The following ECEL1 variants were observed in gnomAD, a reference collection of about 807,000 sequenced individuals.
ECEL1 encodes the protein endothelin-converting enzyme-like 1.
ECEL1 carries 87 observed loss-of-function variants against 101.8 expected under a neutral mutation model. The ratio of observed to expected loss-of-function variants is 0.85; its 90% CI spans 0.72 to 1.02. ECEL1 has a LOEUF of 1.02. ECEL1 is among the 50% of genes least tolerant of loss of function. The pLI, the probability that ECEL1 is intolerant of heterozygous loss-of-function variation, is 0.00. For synonymous variants in ECEL1, 487 were observed against 468.7 expected (o/e 1.04, Z -0.50); for missense variants, 1,032 against 1,079.2 (o/e 0.96, Z 0.61).
rs1396610569 is a variant in ECEL1 at position 232,485,867 on chromosome 2, C to A, written c.786+1G>T. 4 of 1,550,164 alleles carry A rather than the reference C, an allele frequency of 2.6e-6. No homozygotes were observed. Among genetic ancestry groups the A allele is most frequent in the African/African-American group, 1.4e-5 (1 of 73,476 alleles). On this transcript the variant is annotated splice_donor_variant, in intron 2 of 17. Coordinates refer to ENST00000304546, the MANE Select transcript of ECEL1 (RefSeq NM_004826.4). LOFTEE classifies it high-confidence loss of function. ...GCAGGGCGCTCAGGGGGCGCACTCACGCGGATGACGTAGCGCGAGGAGTTC... is the reference window on the plus strand; with the variant it reads ...GCAGGGCGCTCAGGGGGCGCACTCAAGCGGATGACGTAGCGCGAGGAGTTC...
rs754563109 is a variant in ECEL1, at chr2:232,480,758, T to G, written c.2111A>C (p.Lys704Thr). 4.3e-6 allele frequency: 7 copies of G among 1,614,146 alleles called. No homozygotes were observed. The South Asian group carries it at 6.6e-5, about 15-fold the overall frequency. ...HGPEHPLPRL[K>T]YTHDQLFFIA... ...GAAGAAGAGCTGGTCATGTGTGTAC[T>G]TGAGCCGGGGAAGTGGGTGCTCTGG... Residue 704 changes from lysine (K) to threonine (T), a missense_variant, in exon 16 of 18, where the codon AAG (lysine) becomes ACG (threonine). Physicochemically the swap from Lys to Thr is moderately conservative, Grantham distance 78. Transcript: ENST00000304546.
chr2:232,485,955 G>T lies in ECEL1; in HGVS notation c.699C>A (p.Tyr233Ter). 5.0e-6 allele frequency: 8 copies of T among 1,592,506 alleles called. No homozygotes were observed. The highest frequency in any genetic ancestry group is 1.3e-5 in the African/African-American group (1 of 74,724). ...AARWDLNRLL[Y>*]KAQGVYSAAA... ...CGGCGCTGTACACGCCCTGCGCCTT[G>T]TACAGCAGCCGGTTGAGGTCCCATC... Residue 233 changes from tyrosine (Y) to a stop codon, truncating the protein, a stop_gained, in exon 2 of 18, where the codon TAC becomes TAA. Transcript: ENST00000304546. LOFTEE classifies it high-confidence loss of function.
intron 14 of ECEL1, 98 bp from the exon 15 acceptor site, chr2:232,481,254 CT>C: frequency 1.4e-6 from 2 of 1,437,626 alleles, no homozygotes; most frequent in Non-Finnish European, 1.9e-6. Flanking sequence ...CCTACCACCC[CT>C]CTCCTTCCCT....
In ECEL1 at chr2:232,483,194, C is replaced by A; in HGVS notation, c.1507-15G>T. 1 of 1,594,846 alleles carries A rather than the reference C, an allele frequency of 6.3e-7. No homozygotes were observed. The highest frequency in any genetic ancestry group is 2.3e-5 in the East Asian group (1 of 44,104). ...ATGTACTGGAGCTGCGGGCCGAGGGCAGGTGAAGGTGGCACCAGGCCTCGG... is the reference window on the plus strand; with the variant it reads ...ATGTACTGGAGCTGCGGGCCGAGGGAAGGTGAAGGTGGCACCAGGCCTCGG... On this transcript the variant is annotated splice_polypyrimidine_tract_variant and intron_variant, in intron 8 of 17. Transcript: ENST00000304546.
chr2:232,479,895 A>C lies in ECEL1; in HGVS notation c.*258T>G. ...AGCGAAGGTGGGGCCCGTACAATCC[A>C]GCCTGGCAGAGGGTCTGGCCCCCTT... On this transcript the variant is annotated 3_prime_UTR_variant, in exon 18 of 18. Transcript: ENST00000304546. 1.8e-6 allele frequency: 1 copy of C among 551,496 alleles called. No homozygotes were observed. The highest frequency in any genetic ancestry group is 3.2e-5 in the Admixed American group (1 of 31,710). The allele number at this position is 551,496 out of a possible 1,614,324, so 34.2% of individuals were successfully genotyped here. A position where few individuals can be genotyped will look rare whatever the true frequency, so the allele number is the denominator to read the frequency against.
rs1273024325 is a variant in ECEL1, at chr2:232,482,794, C to T, written c.1685+57G>A. 2.5e-6 allele frequency: 4 copies of T among 1,596,090 alleles called. No individual in the cohort carries two copies. The South Asian group carries it at 4.4e-5, about 18-fold the overall frequency. On this transcript the variant is annotated intron_variant, in intron 10 of 17. Transcript: ENST00000304546. ...GCTGTGAGACGATTTGCCCTACCAG[C>T]TCCTGCCCTTTCCCCACAACCCTTC...
rs375987845 is a variant in ECEL1 at position 232,485,080 on chromosome 2, T to G, written c.867A>C (p.Ala289=). The G allele has an allele frequency of 2.5e-6, 4 of 1,611,902 alleles. No homozygotes were observed. In the African/African-American group the frequency reaches 4.0e-5, roughly 16 times the overall value. ...GCACTCGCTCCATGAACACCCTGTA[T>G]GCTGCCAGGATCTGCACCAGGGGAG... ...QDEDSEKILA[A]YRVFMERVLS... Residue 289 remains alanine, a synonymous_variant, in exon 4 of 18, where the codon GCA becomes GCC. Transcript: ENST00000304546.
chr2:232,487,681 G>A (rs2742076), intron 1 of ECEL1, 38 bp downstream of exon 1: 90,546 of 151,442 alleles, frequency 0.6, 27,341 homozygotes, highest in East Asian at 0.74. Flanking sequence ...AGTGGCCGCG[G>A]TGGTGGCCTC....
chr2:232,481,571 G>C lies in ECEL1; in HGVS notation c.1924C>G (p.Arg642Gly), dbSNP rs780485015. Residue 642 changes from arginine to glycine, a missense_variant, in exon 14 of 18, where the codon CGC becomes GGC. Coordinates refer to ENST00000304546, the MANE Select transcript of ECEL1 (RefSeq NM_004826.4). ...LHWWTEASYSRFLRKAECIVR... is the reference protein window; with the variant it reads ...LHWWTEASYSGFLRKAECIVR... ...ATGCACTCAGCCTTTCGCAGGAAGC[G>C]GCTGTAGGAGGCCTCCGTCCACCAG... 5.0e-5 allele frequency: 80 copies of C among 1,613,710 alleles called. No individual in the cohort carries two copies. The South Asian group carries it at 7.9e-4, about 16-fold the overall frequency.
At chr2:232,483,253 A>G in intron 8 of ECEL1, 74 bp from the exon 9 acceptor site, 1 of 1,249,390 alleles carries the variant, frequency 8.0e-7, no homozygotes, top group Non-Finnish European at 1.1e-6. Context: ...CTACCCACCA[A>G]GGAAGGGAGC....
intron 7 of ECEL1, among the ~76,000 whole-genome samples, 171 bp downstream of exon 7, chr2:232,483,830 G>A (rs770122210): frequency 6.6e-6 from 1 of 152,198 alleles, no homozygotes; most frequent in Non-Finnish European, 1.5e-5. Context: ...CCTGGAGGAG[G>A]AGGCCTGTGG....
intron 12 of ECEL1, among the ~76,000 whole-genome samples, 165 bp downstream of exon 12, chr2:232,482,253 T>A (rs1435568495): frequency 2.0e-5 from 3 of 152,156 alleles, no homozygotes; most frequent in Non-Finnish European, 4.4e-5. Context: ...TTTTTCTAAA[T>A]AACCAAGGAT....
At position 232,486,749 on chromosome 2, in the gene ECEL1, C is replaced by A; in HGVS notation, c.-96G>T. On this transcript the variant is annotated 5_prime_UTR_variant, in exon 2 of 18. Coordinates refer to ENST00000304546, the MANE Select transcript of ECEL1 (RefSeq NM_004826.4). ...CGTGGGCCTCCGCATGGCCCTGGGG[C>A]CGCAGCTGCGGGAAGGGCGGAAGCA... 1 of 1,245,074 alleles carries A rather than the reference C, an allele frequency of 8.0e-7. No individual in the cohort carries two copies. Among genetic ancestry groups the A allele is most frequent in the Non-Finnish European group, 1.0e-6 (1 of 981,042 alleles). The allele number at this position is 1,245,074 out of a possible 1,614,324, so 77.1% of individuals were successfully genotyped here.
chr2:232,487,393 G>T (rs1690758084), intron 1 of ECEL1, among the ~76,000 whole-genome samples: 1 of 152,046 alleles, frequency 6.6e-6, no homozygotes, highest in Admixed American at 6.5e-5. Context: ...TGGAGAACCC[G>T]AGACGGGTTC....
chr2:232,485,839 C>A lies in ECEL1; in HGVS notation c.786+29G>T, dbSNP rs536218577. ...CCACTGCGCCCCGGATCCGCGGCCGCTGGCAGGGCGCTCAGGGGGCGCACT... is the reference window on the plus strand; with the variant it reads ...CCACTGCGCCCCGGATCCGCGGCCGATGGCAGGGCGCTCAGGGGGCGCACT... On this transcript the variant is annotated intron_variant, in intron 2 of 17. Transcript: ENST00000304546. 2.4e-4 allele frequency: 373 copies of A among 1,539,166 alleles called. 1 individual carries two copies. Among genetic ancestry groups the A allele is most frequent in the East Asian group, 1.0e-3 (41 of 41,008 alleles).
At chr2:232,487,452 C>A (rs1039445669) in intron 1 of ECEL1, among the ~76,000 whole-genome samples, 2 of 152,170 alleles carry the variant, frequency 1.3e-5, no homozygotes, top group South Asian at 4.1e-4. Context: ...CCACTCCTGG[C>A]TTCAACAGGT....
intron 5 of ECEL1, 44 bp downstream of exon 5, chr2:232,484,757 T>C (rs772163851): frequency 3.1e-6 from 5 of 1,612,044 alleles, no homozygotes; most frequent in Admixed American, 3.3e-5. Context: ...AGCAGCAGCA[T>C]TGCCCTCAAC....
chr2:232,487,782 C>A lies in ECEL1; in HGVS notation c.-165G>T, dbSNP rs1690773914. On this transcript the variant is annotated 5_prime_UTR_variant, in exon 1 of 18. Coordinates refer to ENST00000304546, the MANE Select transcript of ECEL1 (RefSeq NM_004826.4). ...GTCGGGCCCGAGCGGGGGCCTGAGC[C>A]GCAGCGCAGCCGAGCGGGCGTCCGG... 1 of 149,716 alleles carries A rather than the reference C, an allele frequency of 6.7e-6. No homozygotes were observed. The highest frequency in any genetic ancestry group is 1.5e-5 in the Non-Finnish European group (1 of 67,056). 9.3% of individuals were successfully genotyped at this position (149,716 alleles called of 1,614,324 possible). A position where few individuals can be genotyped will look rare whatever the true frequency, so the allele number is the denominator to read the frequency against.
Position 232,485,248 on chromosome 2 carries a change from G to A in ECEL1, c.806C>T (p.Thr269Ile). Residue 269 changes from threonine (T) to isoleucine (I), a missense_variant, in exon 3 of 18, where the codon ACC becomes ATC. By Grantham distance (89) the Thr-to-Ile change is moderately conservative. Coordinates refer to ENST00000304546, the MANE Select transcript of ECEL1 (RefSeq NM_004826.4). ...GAGGTACAGGGTCCTCTCTGGCAGG[G>A]TGAGCCCATCCTGGTCAATCTGGGG... ...YVIRIDQDGL[T>I]LPERTLYLAQ... is the part of the protein sequence containing the mutation. The A allele has an allele frequency of 6.2e-7, 1 of 1,613,578 alleles. No homozygotes were observed. Among genetic ancestry groups the A allele is most frequent in the Non-Finnish European group, 8.5e-7 (1 of 1,180,004 alleles).
Sources: allele counts gnomAD v4.1 joint callset (sites outside exome capture counted in the v4.1 genomes callset), GRCh38; gene constraint gnomAD v4.1.1; transcripts MANE v1.5; gene names NCBI Gene and HGNC (gene_info 2026-07-23, HGNC 2026-07-21).